The following KPNB1 variants were observed in gnomAD, a reference collection of about 807,000 sequenced individuals.
The protein encoded by KPNB1 is importin subunit beta-1.
In KPNB1, 7 loss-of-function variants were observed where a neutral mutation model predicts 113.0. That is an observed-to-expected ratio of 0.06 (90% confidence interval 0.04 to 0.12). The LOEUF (loss-of-function observed/expected upper bound fraction) is 0.12, where lower values mean the gene tolerates loss of function less well. Ranked by LOEUF, KPNB1 falls within the 10% of genes least tolerant of loss-of-function variation. The pLI is 1.00. For synonymous variants in KPNB1, 363 were observed against 378.6 expected (o/e 0.96, Z 0.48); for missense variants, 400 against 1,054.8 (o/e 0.38, Z 8.60).
chr17:47,664,114 T>C, intron 7 of KPNB1, 45 bp from the exon 8 acceptor site: 1 of 1,291,280 alleles, frequency 7.7e-7, no homozygotes, highest in South Asian at 1.2e-5. Flanking sequence ...AGGGACTCAC[T>C]TGAATCAGTA....
intron 5 of KPNB1, 136 bp downstream of exon 5, chr17:47,658,796 T>A: frequency 2.8e-6 from 2 of 709,320 alleles, no homozygotes; most frequent in Admixed American, 5.7e-5. Flanking sequence ...TCCAGTTTAG[T>A]CGAGTTCGTA....
At position 47,683,897 on chromosome 17, in the gene KPNB1, G is replaced by A. The variant is rs1459536510; in HGVS notation, c.*1493G>A. ...TTTTTTTAGAAGTGTGATGTGGTAT[G>A]ATTACCATAAATCAGACTTAATTAT... On this transcript the variant is annotated 3_prime_UTR_variant, in exon 22 of 22. Transcript: ENST00000290158. The A allele has an allele frequency of 6.6e-6, 1 of 152,304 alleles. No homozygotes were observed. The highest frequency in any genetic ancestry group is 1.5e-5 in the Non-Finnish European group (1 of 68,042). 9.4% of individuals were successfully genotyped at this position (152,304 alleles called of 1,614,324 possible).
Position 47,663,183 on chromosome 17 carries a change from GTATTTC to G in KPNB1, c.786+11_786+16del. On this transcript the variant is annotated splice_donor_region_variant and intron_variant, in intron 7 of 21. Transcript: ENST00000290158. Reference sequence around the variant, plus strand: ...ATGGGTCCTGCTCTTTTTGCAGTAAGTATTTCTATTTATGTGATTTGAGCTTGTGGC... The same window carrying G: ...ATGGGTCCTGCTCTTTTTGCAGTAAGTATTTATGTGATTTGAGCTTGTGGC... 7.2e-7 allele frequency: 1 copy of G among 1,393,062 alleles called. No homozygotes were observed. The allele number at this position is 1,393,062 out of a possible 1,614,324, so 86.3% of individuals were successfully genotyped here.
In KPNB1 at chr17:47,650,146, C is replaced by CCT; in HGVS notation, c.-99_-98insCT. 2.1e-6 allele frequency: 2 copies of CCT among 974,238 alleles called. No homozygotes were observed. Among genetic ancestry groups the CCT allele is most frequent in the Non-Finnish European group, 2.6e-6 (2 of 773,638 alleles). The allele number at this position is 974,238 out of a possible 1,614,324, so 60.3% of individuals were successfully genotyped here. A position where few individuals can be genotyped will look rare whatever the true frequency, so the allele number is the denominator to read the frequency against. On this transcript the variant is annotated 5_prime_UTR_variant, in exon 1 of 22. Coordinates refer to ENST00000290158, the MANE Select transcript of KPNB1 (RefSeq NM_002265.6). ...ACCCCCGCCCCCCACCCCACCCTCC[C>CCT]TTCCCACCCGACCCCCAACCCCCAT...
At position 47,683,102 on chromosome 17, in the gene KPNB1, A is replaced by AAAAAAC. The variant is rs1333322215; in HGVS notation, c.*703_*704insCAAAAA. The AAAAAAC allele has an allele frequency of 1.4e-5, 2 of 146,988 alleles. No homozygotes were observed. Among genetic ancestry groups the AAAAAAC allele is most frequent in the African/African-American group, 5.0e-5 (2 of 40,226 alleles). 9.1% of individuals were successfully genotyped at this position (146,988 alleles called of 1,614,324 possible). On this transcript the variant is annotated 3_prime_UTR_variant, in exon 22 of 22. Transcript: ENST00000290158. ...AGCACAAGAGATGTAAAAAAAAAAA[A>AAAAAAC]AAAAAAAAAAAAAAAAACACACACA...
chr17:47,651,307 G>C (rs188571646), intron 2 of KPNB1: 1 of 985,292 alleles, frequency 1.0e-6, no homozygotes, highest in African/African-American at 1.7e-5. Flanking sequence ...GTTTCTCTTT[G>C]GTGTCCATCT....
At chr17:47,661,639 G>A (rs977226143) in intron 6 of KPNB1, among the ~76,000 whole-genome samples, 1 of 151,984 alleles carries the variant, frequency 6.6e-6, no homozygotes, top group Non-Finnish European at 1.5e-5. Flanking sequence ...AATTGTCATG[G>A]AAGTTGCCAT....
chr17:47,673,073 A>T lies in KPNB1; in HGVS notation c.1603A>T (p.Ile535Phe). 6.2e-7 allele frequency: 1 copy of T among 1,613,524 alleles called. No individual in the cohort carries two copies. The highest frequency in any genetic ancestry group is 1.3e-5 in the African/African-American group (1 of 75,012). ...RSSAYESLME[I>F]VKNSAKDCYP... ...TTCTGCATATGAATCTCTGATGGAA[A>T]TTGTGAAAAACAGTGCCAAGGATTG... is the stretch of plus-strand genomic sequence containing the variant. Residue 535 changes from isoleucine (I) to phenylalanine (F), a missense_variant, in exon 13 of 22, where the codon ATT becomes TTT. Around this residue, in one of 2 missense-constraint regions of KPNB1, gnomAD observed 115 missense variants for 427.9 expected, o/e 0.27. Coordinates refer to ENST00000290158, the MANE Select transcript of KPNB1 (RefSeq NM_002265.6).
At position 47,669,306 on chromosome 17, in the gene KPNB1, T is replaced by C. The variant is rs372537176; in HGVS notation, c.1225-372T>C. ...TTAGTAGAGAGACCGGGTTTCATCATGTTGGTCAGGCTGGTCTTGAACTCC... is the reference window on the plus strand; with the variant it reads ...TTAGTAGAGAGACCGGGTTTCATCACGTTGGTCAGGCTGGTCTTGAACTCC... On this transcript the variant is annotated intron_variant, in intron 10 of 21. Coordinates refer to ENST00000290158, the MANE Select transcript of KPNB1 (RefSeq NM_002265.6). Among the ~76,000 whole-genome samples the C allele has an allele frequency of 3.3e-5, 5 of 152,290 alleles. No individual in the cohort carries two copies. The East Asian group carries it at 5.8e-4, about 18-fold the overall frequency.
Position 47,682,593 on chromosome 17 carries a change from T to TGTTAGTGAGCTAAGTAA in KPNB1, c.*191_*207dup, listed in dbSNP as rs2030817484. The TGTTAGTGAGCTAAGTAA allele has an allele frequency of 9.7e-6, 6 of 616,666 alleles. No individual in the cohort carries two copies. In the South Asian group the frequency reaches 1.2e-4, roughly 12 times the overall value. 38.2% of individuals were successfully genotyped at this position (616,666 alleles called of 1,614,324 possible). Reference sequence around the variant, plus strand: ...CAGCCGCAGCCGCCAACAGCAGCGCTGTTAGTGAGCTAAGTAAGCACTGAC... The same window carrying TGTTAGTGAGCTAAGTAA: ...CAGCCGCAGCCGCCAACAGCAGCGCTGTTAGTGAGCTAAGTAAGTTAGTGAGCTAAGTAAGCACTGAC... On this transcript the variant is annotated 3_prime_UTR_variant, in exon 22 of 22. Transcript: ENST00000290158.
chr17:47,677,139 C>T lies in KPNB1; in HGVS notation c.2103+12C>T. On this transcript the variant is annotated intron_variant, in intron 17 of 21. Transcript: ENST00000290158. The stretch of plus-strand genomic sequence containing the variant: ...TGGAAAATTTGGGGGTGAGTATCTA[C>T]ACACAATCTAATTAACCAGTCTTCT... 2 of 1,541,556 alleles carry T rather than the reference C, an allele frequency of 1.3e-6. No homozygotes were observed. Among genetic ancestry groups the T allele is most frequent in the Non-Finnish European group, 1.8e-6 (2 of 1,115,002 alleles).
At position 47,683,739 on chromosome 17, in the gene KPNB1, G is replaced by GTATTCACACT; in HGVS notation, c.*1336_*1337insATTCACACTT. On this transcript the variant is annotated 3_prime_UTR_variant, in exon 22 of 22. Transcript: ENST00000290158. ...AAAACAAAAACAAAAAAAAGTGTGT[G>GTATTCACACT]TTGTGTGAATACACACACACACTAA... is the stretch of plus-strand genomic sequence containing the variant. 6.6e-6 allele frequency: 1 copy of GTATTCACACT among 152,400 alleles called. No individual in the cohort carries two copies. The highest frequency in any genetic ancestry group is 2.1e-4 in the South Asian group (1 of 4,824). The allele number at this position is 152,400 out of a possible 1,614,324, so 9.4% of individuals were successfully genotyped here. A position where few individuals can be genotyped will look rare whatever the true frequency, so the allele number is the denominator to read the frequency against.
At position 47,659,907 on chromosome 17, in the gene KPNB1, A is replaced by AT. The variant is rs1204332760; in HGVS notation, c.637-1212_637-1211insT. Among the ~76,000 whole-genome samples, 221 of 151,502 alleles carry AT rather than the reference A, an allele frequency of 1.5e-3. 1 individual carries two copies. Among genetic ancestry groups the AT allele is most frequent in the African/African-American group, 4.9e-3 (201 of 41,330 alleles). The stretch of plus-strand genomic sequence containing the variant: ...TGCAAGACTCTGTCTCCAAAAAAAA[A>AT]AAATATATATATATGTATATGTATG... On this transcript the variant is annotated intron_variant, in intron 5 of 21. Coordinates refer to ENST00000290158, the MANE Select transcript of KPNB1 (RefSeq NM_002265.6).
chr17:47,677,007 T>G lies in KPNB1; in HGVS notation c.1996-13T>G. 1 of 1,607,124 alleles carries G rather than the reference T, an allele frequency of 6.2e-7. No individual in the cohort carries two copies. The highest frequency in any genetic ancestry group is 8.5e-7 in the Non-Finnish European group (1 of 1,175,308). ...CTTTTCTGTTAGAAGATTATTTCCT[T>G]GATTCTTGGCAGGTTTGTTTGGCAG... On this transcript the variant is annotated splice_polypyrimidine_tract_variant and intron_variant, in intron 16 of 21. Coordinates refer to ENST00000290158, the MANE Select transcript of KPNB1 (RefSeq NM_002265.6).
chr17:47,682,424 T>C lies in KPNB1; in HGVS notation c.*20T>C. The stretch of plus-strand genomic sequence containing the variant: ...TTCAGATCTGTTACCATTGGGATGA[T>C]AACCTGAGGACCCCCACTGGAAATC... On this transcript the variant is annotated 3_prime_UTR_variant, in exon 22 of 22. Transcript: ENST00000290158. 1.3e-6 allele frequency: 1 copy of C among 780,416 alleles called. No individual in the cohort carries two copies. Among genetic ancestry groups the C allele is most frequent in the Non-Finnish European group, 2.4e-6 (1 of 418,116 alleles). 48.3% of individuals were successfully genotyped at this position (780,416 alleles called of 1,614,324 possible).
chr17:47,650,487 C>A (rs536189957), intron 2 of KPNB1, 43 bp downstream of exon 2: 7 of 1,573,600 alleles, frequency 4.4e-6, no homozygotes, highest in Non-Finnish European at 5.2e-6. Context: ...CGTCCCCATC[C>A]CCTGCGTGCG....
At position 47,671,256 on chromosome 17, in the gene KPNB1, C is replaced by CA. The variant is rs887245998; in HGVS notation, c.1547+432dup. 8.7e-4 allele frequency among the ~76,000 whole-genome samples: 132 copies of CA among 151,484 alleles called. 1 individual carries two copies. The highest frequency in any genetic ancestry group is 2.9e-3 in the African/African-American group (122 of 41,368). On this transcript the variant is annotated intron_variant, in intron 12 of 21. Coordinates refer to ENST00000290158, the MANE Select transcript of KPNB1 (RefSeq NM_002265.6). Reference sequence around the variant, plus strand: ...TGGACAACAAGAGTGGAACTCGTCTCAAAAAAAAGAATTCCATGATTGATT... The same window carrying CA: ...TGGACAACAAGAGTGGAACTCGTCTCAAAAAAAAAGAATTCCATGATTGATT...
At chr17:47,668,037 A>C (rs2030343761) in intron 9 of KPNB1, 149 bp from the exon 10 acceptor site, 3 of 621,108 alleles carry the variant, frequency 4.8e-6, no homozygotes, top group Non-Finnish European at 8.4e-6. Flanking sequence ...GCTGTGATGA[A>C]TGTTTGTGGA....
At chr17:47,680,230 C>A in intron 20 of KPNB1, 96 bp downstream of exon 20, 1 of 923,414 alleles carries the variant, frequency 1.1e-6, no homozygotes, top group Non-Finnish European at 1.7e-6. Context: ...CGGATGGCAA[C>A]AGTTCACTTT....
Sources: allele counts gnomAD v4.1 joint callset (sites outside exome capture counted in the v4.1 genomes callset), GRCh38; gene constraint gnomAD v4.1.1; regional missense constraint gnomAD v4.1.1; transcripts MANE v1.5; gene names NCBI Gene and HGNC (gene_info 2026-07-23, HGNC 2026-07-21).